Variants in HMCN1 observed in about 807,000 individuals in gnomAD.
The protein encoded by HMCN1 is hemicentin-1.
A neutral mutation model predicts 625.9 loss-of-function variants in HMCN1; 321 were observed. That is an observed-to-expected ratio of 0.51 (90% CI 0.47 to 0.56). The LOEUF is 0.56. Among genes scored for constraint, HMCN1 ranks in the 20% least tolerant of loss-of-function variants. The pLI, the probability that HMCN1 is intolerant of heterozygous loss-of-function variation, is 0.00. For synonymous variants in HMCN1, 2,425 were observed against 2,417.6 expected (o/e 1.00, Z -0.09); for missense variants, 6,588 against 6,887.3 (o/e 0.96, Z 1.54).
At chr1:185,869,618 T>C (rs1663482715) in intron 4 of HMCN1, among the ~76,000 whole-genome samples, 1 of 152,166 alleles carries the variant, frequency 6.6e-6, no homozygotes, top group Non-Finnish European at 1.5e-5. Flanking sequence ...ACTGGAACTG[T>C]ACAAGTCAAT....
chr1:186,091,539 T>C (rs1162754840), intron 64 of HMCN1, among the ~76,000 whole-genome samples: 1 of 152,026 alleles, frequency 6.6e-6, no homozygotes, highest in Non-Finnish European at 1.5e-5. Context: ...ACTCTCATAA[T>C]GGTTTGTCCA....
At position 186,087,829 on chromosome 1, in the gene HMCN1, G is replaced by A. The variant is rs575501620; in HGVS notation, c.9364-103G>A. On this transcript the variant is annotated intron_variant, in intron 60 of 106. Coordinates refer to ENST00000271588, the MANE Select transcript of HMCN1 (RefSeq NM_031935.3). ...ATTGCAGAAGGCAATTAGAACTGGG[G>A]CATTGAGCATACAGATGACTGATGA... is the stretch of plus-strand genomic sequence containing the variant. The A allele has an allele frequency of 7.8e-4, 920 of 1,177,486 alleles. 15 individuals carry two copies. The South Asian group carries it at 0.011, about 14-fold the overall frequency. The allele number at this position is 1,177,486 out of a possible 1,614,324, so 72.9% of individuals were successfully genotyped here.
At chr1:185,778,955 G>C (rs1423570956) in intron 1 of HMCN1, among the ~76,000 whole-genome samples, 7 of 152,184 alleles carry the variant, frequency 4.6e-5, no homozygotes, top group South Asian at 2.1e-4. Flanking sequence ...AGTTTACACT[G>C]CCACCAACAG....
intron 1 of HMCN1, among the ~76,000 whole-genome samples, chr1:185,838,048 G>A (rs893884187): frequency 6.6e-6 from 1 of 152,144 alleles, no homozygotes; most frequent in Non-Finnish European, 1.5e-5. Context: ...GGAGGTCCCT[G>A]GGCATCTGGA....
intron 11 of HMCN1, among the ~76,000 whole-genome samples, chr1:185,942,797 A>C (rs1668149152): frequency 6.6e-6 from 1 of 152,154 alleles, no homozygotes; most frequent in African/African-American, 2.4e-5. Flanking sequence ...AATGCCAAAC[A>C]CAAGCCCTGG....
intron 1 of HMCN1, among the ~76,000 whole-genome samples, chr1:185,788,920 A>G (rs1393312159): frequency 1.3e-5 from 2 of 152,206 alleles, no homozygotes; most frequent in Non-Finnish European, 2.9e-5. Context: ...TAAAGTAACA[A>G]ATTCAAAACA....
In HMCN1 at chr1:186,008,021, G is replaced by A. The variant is rs528720120; in HGVS notation, c.4630+739G>A. Among the ~76,000 whole-genome samples the A allele has an allele frequency of 2.6e-5, 4 of 152,136 alleles. No homozygotes were observed. In the South Asian group the frequency reaches 6.2e-4, roughly 24 times the overall value. ...CCTCTTAGAATGTCACCTTCTCATA[G>A]GATCTTCCCATTAAAAGCAGTCACC... On this transcript the variant is annotated intron_variant, in intron 30 of 106. Transcript: ENST00000271588.
intron 93 of HMCN1, among the ~76,000 whole-genome samples, chr1:186,148,375 A>C (rs978427655): frequency 6.6e-6 from 1 of 152,176 alleles, no homozygotes; most frequent in Non-Finnish European, 1.5e-5. Context: ...GTTAATATTG[A>C]TATTTTGACC....
intron 85 of HMCN1, 57 bp from the exon 86 acceptor site, chr1:186,132,271 G>GTGAT (rs1417081032): frequency 1.6e-6 from 2 of 1,225,916 alleles, no homozygotes. Context: ...GGTGAAAAAA[G>GTGAT]TGATTGCCCT....
intron 89 of HMCN1, among the ~76,000 whole-genome samples, chr1:186,139,962 G>C (rs1480342258): frequency 6.6e-6 from 1 of 152,024 alleles, no homozygotes; most frequent in African/African-American, 2.4e-5. Context: ...CTTGGCTTTA[G>C]TACAGTTCAT....
chr1:185,868,691 C>T (rs1299384976), intron 4 of HMCN1, among the ~76,000 whole-genome samples: 12 of 152,104 alleles, frequency 7.9e-5, no homozygotes, highest in Admixed American at 1.3e-4. Flanking sequence ...TTTATAGCTG[C>T]ATGAGAAAGC....
chr1:185,955,447 C>G (rs924222761), intron 11 of HMCN1, among the ~76,000 whole-genome samples: 1 of 152,134 alleles, frequency 6.6e-6, no homozygotes, highest in African/African-American at 2.4e-5. Flanking sequence ...ATAAGGTAGC[C>G]ATACATCTTT....
intron 52 of HMCN1, among the ~76,000 whole-genome samples, chr1:186,073,565 C>T (rs1658604878): frequency 6.6e-6 from 1 of 151,976 alleles, no homozygotes; most frequent in Non-Finnish European, 1.5e-5. Context: ...GAGGGATGCC[C>T]TTGACCAGCA....
At chr1:185,898,002 A>AT (rs1436019341) in intron 4 of HMCN1, among the ~76,000 whole-genome samples, 4 of 152,216 alleles carry the variant, frequency 2.6e-5, no homozygotes, top group African/African-American at 9.7e-5. Context: ...AATAAGGATT[A>AT]TAATAGTATT....
chr1:185,898,523 AG>A (rs1331913364), intron 4 of HMCN1, among the ~76,000 whole-genome samples: 2 of 152,180 alleles, frequency 1.3e-5, no homozygotes, highest in Non-Finnish European at 2.9e-5. Context: ...ACCTACATCA[AG>A]GGAGATGGGT....
intron 97 of HMCN1, among the ~76,000 whole-genome samples, chr1:186,164,309 G>A (rs1045169555): frequency 4.1e-5 from 6 of 146,834 alleles, no homozygotes; most frequent in South Asian, 2.2e-4. Flanking sequence ...ACGCAATCTC[G>A]GCTCACTACA....
At chr1:185,884,385 C>T (rs1664505901) in intron 4 of HMCN1, among the ~76,000 whole-genome samples, 1 of 151,916 alleles carries the variant, frequency 6.6e-6, no homozygotes. Context: ...ACGCTCTTGT[C>T]TTCATAGCTC....
rs376844927 is a variant in HMCN1, at chr1:186,093,130, G to A, written c.9888-4G>A. 1.0e-4 allele frequency: 165 copies of A among 1,613,070 alleles called. No individual in the cohort carries two copies. Among genetic ancestry groups the A allele is most frequent in the Middle Eastern group, 9.9e-4 (6 of 6,058 alleles). On this transcript the variant is annotated splice_region_variant and splice_polypyrimidine_tract_variant and intron_variant, in intron 64 of 106. Transcript: ENST00000271588. ...CAGCCCCTCTGTTATGATCTTTTCC[G>A]TAGAGTGAGTGCAAATGGCAGCACA...
rs371516532 is a variant in HMCN1, at chr1:185,990,461, A to G, written c.3377+18A>G. The G allele has an allele frequency of 7.4e-6, 12 of 1,610,946 alleles. No individual in the cohort carries two copies. Among genetic ancestry groups the G allele is most frequent in the Admixed American group, 1.7e-5 (1 of 59,990 alleles). On this transcript the variant is annotated intron_variant, in intron 22 of 106. Transcript: ENST00000271588. ...TCTCCAAGGTAGGAGATCTGGGATG[A>G]ATTGCAACACATGAAAACATAATCA...
Sources: gnomAD v4.1 joint callset for allele counts (sites outside exome capture counted in the v4.1 genomes callset) on GRCh38, gnomAD v4.1.1 for gene constraint, MANE v1.5 for transcripts, NCBI Gene and HGNC (gene_info 2026-07-23, HGNC 2026-07-21) for gene names.